The following EIF2S1 variants were observed in gnomAD, a reference collection of about 807,000 sequenced individuals.
The protein encoded by EIF2S1 is eukaryotic translation initiation factor 2 subunit 1.
Under a neutral mutation model 33.5 loss-of-function variants are expected in EIF2S1, and 5 were observed. That is an observed-to-expected ratio of 0.15 (90% CI 0.08 to 0.31). EIF2S1 has a LOEUF of 0.31. Among genes scored for constraint, EIF2S1 ranks in the 10% least tolerant of loss-of-function variants. EIF2S1 has a pLI of 1.00. For synonymous variants in EIF2S1, 99 were observed against 127.5 expected, an observed-to-expected ratio of 0.78 and a Z score of 1.51; for missense variants, 191 against 384.6, an observed-to-expected ratio of 0.50 and a Z score of 4.21.
chr14:67,373,265 G>C (rs1210436912), intron 2 of EIF2S1, among the ~76,000 whole-genome samples: 2 of 152,104 alleles, frequency 1.3e-5, no homozygotes. Flanking sequence ...TTAAATGACT[G>C]TTCTTTTTTT....
chr14:67,381,550 T>C (rs2085887918), intron 5 of EIF2S1, 43 bp from the exon 6 acceptor site: 1 of 1,487,918 alleles, frequency 6.7e-7, no homozygotes, highest in Admixed American at 1.7e-5. Context: ...CTTTTAAATA[T>C]TTTTTGCATT....
At chr14:67,367,521 G>A (rs952897528) in intron 2 of EIF2S1, among the ~76,000 whole-genome samples, 1 of 152,206 alleles carries the variant, frequency 6.6e-6, no homozygotes, top group African/African-American at 2.4e-5. Flanking sequence ...GAGCCACCAC[G>A]CCCCACCCCA....
At chr14:67,374,668 G>C (rs2085847004) in intron 3 of EIF2S1, 121 bp downstream of exon 3, 2 of 608,234 alleles carry the variant, frequency 3.3e-6, no homozygotes, top group Non-Finnish European at 5.1e-6. Flanking sequence ...TCTCAAATTA[G>C]TACTAGAAGT....
At chr14:67,363,316 G>T (rs1263298821) in intron 1 of EIF2S1, among the ~76,000 whole-genome samples, 2 of 150,484 alleles carry the variant, frequency 1.3e-5, no homozygotes, top group African/African-American at 2.4e-5. Context: ...TCCCTATTTT[G>T]TAGGGATTTT....
intron 1 of EIF2S1, among the ~76,000 whole-genome samples, chr14:67,361,749 T>G (rs1425130564): frequency 2.0e-5 from 3 of 152,224 alleles, no homozygotes; most frequent in African/African-American, 7.2e-5. Flanking sequence ...TCAGAACACA[T>G]AAGAGTATTA....
intron 1 of EIF2S1, chr14:67,360,849 T>C (rs2141121556): frequency 6.6e-6 from 1 of 152,250 alleles, no homozygotes; most frequent in South Asian, 2.1e-4. Context: ...AATTCCATCT[T>C]TTCTTCCGCC....
intron 4 of EIF2S1, among the ~76,000 whole-genome samples, chr14:67,379,330 T>G (rs2085873657): frequency 6.6e-6 from 1 of 152,246 alleles, no homozygotes; most frequent in South Asian, 2.1e-4. Flanking sequence ...TTCTCCTTTT[T>G]CTAGTCTAAT....
chr14:67,361,655 G>A (rs2085742314), intron 1 of EIF2S1, among the ~76,000 whole-genome samples: 1 of 152,214 alleles, frequency 6.6e-6, no homozygotes. Context: ...CATTTGTCAT[G>A]CAAAATAACT....
At chr14:67,375,814 T>C (rs1268090332) in intron 3 of EIF2S1, among the ~76,000 whole-genome samples, 1 of 152,248 alleles carries the variant, frequency 6.6e-6, no homozygotes, top group African/African-American at 2.4e-5. Context: ...TACTAACTTT[T>C]GAGAAGCACT....
intron 7 of EIF2S1, 165 bp downstream of exon 7, chr14:67,382,755 G>C (rs892490849): frequency 1.7e-5 from 12 of 702,978 alleles, no homozygotes; most frequent in African/African-American, 1.3e-4. Context: ...CAGCCAGGGG[G>C]AAGGGAATAA....
intron 2 of EIF2S1, among the ~76,000 whole-genome samples, chr14:67,371,898 C>T (rs1473330834): frequency 6.6e-6 from 1 of 152,040 alleles, no homozygotes; most frequent in East Asian, 1.9e-4. Flanking sequence ...TTTTCAAATC[C>T]AACAATGTAT....
chr14:67,375,423 A>G lies in EIF2S1; in HGVS notation c.321+876A>G, dbSNP rs1250272034. Among the ~76,000 whole-genome samples the G allele has an allele frequency of 2.0e-5, 3 of 151,782 alleles. No individual in the cohort carries two copies. The South Asian group carries it at 6.2e-4, about 32-fold the overall frequency. Reference sequence around the variant, plus strand: ...AGGCGTAAGCCAGTGTGCCCAGCCTATCCTCAGTTCTTAGTGGTACTGTTT... The same window carrying G: ...AGGCGTAAGCCAGTGTGCCCAGCCTGTCCTCAGTTCTTAGTGGTACTGTTT... On this transcript the variant is annotated intron_variant, in intron 3 of 7. Transcript: ENST00000256383.
chr14:67,381,536 TA>T, intron 5 of EIF2S1, 56 bp from the exon 6 acceptor site: 1 of 1,399,670 alleles, frequency 7.1e-7, no homozygotes, highest in Non-Finnish European at 1.0e-6. Flanking sequence ...TGATTTCCTT[TA>T]AACTTTTAAA....
rs529666845 is a variant in EIF2S1 at position 67,385,782 on chromosome 14, C to G, written c.*2342C>G. The G allele has an allele frequency of 6.6e-6, 1 of 151,256 alleles. No individual in the cohort carries two copies. Among genetic ancestry groups the G allele is most frequent in the African/African-American group, 2.4e-5 (1 of 41,210 alleles). The allele number at this position is 151,256 out of a possible 1,614,324, so 9.4% of individuals were successfully genotyped here. ...TGTGAGCCACCATGCCCCACCCAAA[C>G]CATTTTTCATATCAGTTATAGCAAA... On this transcript the variant is annotated 3_prime_UTR_variant, in exon 8 of 8. Coordinates refer to ENST00000256383, the MANE Select transcript of EIF2S1 (RefSeq NM_004094.5).
intron 1 of EIF2S1, chr14:67,360,801 C>T (rs2085731750): frequency 1.3e-5 from 2 of 152,250 alleles, no homozygotes; most frequent in Admixed American, 1.3e-4. Flanking sequence ...TTAACCCCGG[C>T]TCAGGACGCT....
intron 4 of EIF2S1, among the ~76,000 whole-genome samples, chr14:67,378,695 A>G (rs1649366061): frequency 6.6e-6 from 1 of 152,218 alleles, no homozygotes; most frequent in Admixed American, 6.5e-5. Flanking sequence ...TGTTACCACT[A>G]AACCTTGGCG....
chr14:67,379,876 G>C (rs1415282017), intron 4 of EIF2S1, among the ~76,000 whole-genome samples: 2 of 151,530 alleles, frequency 1.3e-5, no homozygotes, highest in African/African-American at 4.9e-5. Context: ...GGATGGTCTC[G>C]ATCTCCTGAC....
At chr14:67,376,396 A>G (rs778168464) in intron 3 of EIF2S1, 43 bp from the exon 4 acceptor site, 1 of 1,525,134 alleles carries the variant, frequency 6.6e-7, no homozygotes, top group East Asian at 2.3e-5. Flanking sequence ...TTTTTTATAA[A>G]TCTCTTATCT....
intron 2 of EIF2S1, among the ~76,000 whole-genome samples, chr14:67,367,773 C>A (rs2085789622): frequency 1.3e-5 from 2 of 151,498 alleles, no homozygotes; most frequent in South Asian, 4.2e-4. Flanking sequence ...GAGGCGGAGG[C>A]TGCAGTGAGC....
Sources: allele counts gnomAD v4.1 joint callset (sites outside exome capture counted in the v4.1 genomes callset), GRCh38; gene constraint gnomAD v4.1.1; transcripts MANE v1.5; gene names NCBI Gene and HGNC (gene_info 2026-07-23, HGNC 2026-07-21).